Variants in FNDC3B observed in about 807,000 individuals in gnomAD.
FNDC3B encodes fibronectin type III domain containing 3B.
FNDC3B carries 12 observed loss-of-function variants against 151.5 expected under a neutral mutation model. The ratio of observed to expected loss-of-function variants is 0.08; its 90% CI spans 0.05 to 0.13. The LOEUF (loss-of-function observed/expected upper bound fraction) is 0.13, where lower values mean the gene tolerates loss of function less well. Among genes scored for constraint, FNDC3B ranks in the 10% least tolerant of loss-of-function variants. The pLI is 1.00. For missense variants in FNDC3B, 1,214 were observed against 1,505.3 expected (o/e 0.81, Z 3.20); for synonymous variants, 528 against 549.0 (o/e 0.96, Z 0.54).
intron 6 of FNDC3B, among the ~76,000 whole-genome samples, chr3:172,271,356 A>C (rs7633247): frequency 6.6e-6 from 1 of 152,180 alleles, no homozygotes; most frequent in Non-Finnish European, 1.5e-5. Context: ...GTTTTAAACT[A>C]TTGATTTCCT....
intron 3 of FNDC3B, among the ~76,000 whole-genome samples, chr3:172,153,468 C>A (rs1003044925): frequency 6.6e-6 from 1 of 152,202 alleles, no homozygotes; most frequent in African/African-American, 2.4e-5. Flanking sequence ...GCAGCCAGTG[C>A]TGTTTCCTGC....
At chr3:172,270,673 T>C (rs1365492013) in intron 6 of FNDC3B, among the ~76,000 whole-genome samples, 2 of 152,224 alleles carry the variant, frequency 1.3e-5, no homozygotes, top group African/African-American at 4.8e-5. Flanking sequence ...TTGTGTACAT[T>C]TTCTATATTC....
At chr3:172,358,494 C>G (rs1734204484) in intron 22 of FNDC3B, among the ~76,000 whole-genome samples, 1 of 152,236 alleles carries the variant, frequency 6.6e-6, no homozygotes, top group Non-Finnish European at 1.5e-5. Context: ...GAAGCCCATC[C>G]TTTCAGCTGT....
At chr3:172,271,387 T>A (rs776850748) in intron 6 of FNDC3B, among the ~76,000 whole-genome samples, 33 of 152,218 alleles carry the variant, frequency 2.2e-4, no homozygotes, top group Non-Finnish European at 3.7e-4. Context: ...GGAATTTTTT[T>A]AGATACCAGC....
intron 11 of FNDC3B, among the ~76,000 whole-genome samples, chr3:172,324,432 G>A (rs764122276): frequency 1.8e-4 from 27 of 152,288 alleles, no homozygotes; most frequent in Non-Finnish European, 3.1e-4. Context: ...TAGGTTGAGT[G>A]CGAAGAGGAA....
At chr3:172,272,931 A>G (rs1260736802) in intron 6 of FNDC3B, among the ~76,000 whole-genome samples, 3 of 152,196 alleles carry the variant, frequency 2.0e-5, no homozygotes, top group Admixed American at 2.0e-4. Flanking sequence ...AATGCTTATA[A>G]TTTCACAATC....
intron 15 of FNDC3B, among the ~76,000 whole-genome samples, chr3:172,336,682 C>CCTGAGGT (rs35371267): frequency 0.17 from 25,883 of 151,978 alleles, 2,311 homozygotes; most frequent in Middle Eastern, 0.31. Flanking sequence ...AAGTGGATCA[C>CCTGAGGT]CTGAGGTCTG....
At chr3:172,120,578 G>A (rs1720486546) in intron 2 of FNDC3B, among the ~76,000 whole-genome samples, 1 of 150,628 alleles carries the variant, frequency 6.6e-6, no homozygotes, top group African/African-American at 2.5e-5. Flanking sequence ...GGGGGGGGGT[G>A]TGTGTGTTGT....
At chr3:172,240,654 C>T (rs1243237663) in intron 4 of FNDC3B, among the ~76,000 whole-genome samples, 1 of 152,156 alleles carries the variant, frequency 6.6e-6, no homozygotes, top group East Asian at 1.9e-4. Flanking sequence ...TTTAATCATG[C>T]TGTGCCTTGG....
At chr3:172,235,949 A>T (rs191603322) in intron 4 of FNDC3B, among the ~76,000 whole-genome samples, 20 of 152,260 alleles carry the variant, frequency 1.3e-4, no homozygotes, top group Admixed American at 1.3e-3. Flanking sequence ...CCCTTCTGTG[A>T]TGGGTAATGG....
chr3:172,335,332 G>T, intron 15 of FNDC3B: 1 of 343,188 alleles, frequency 2.9e-6, no homozygotes, highest in East Asian at 5.6e-5. Flanking sequence ...ATTTTTAAGA[G>T]TATCTCATTT....
chr3:172,125,073 C>G (rs890319853), intron 2 of FNDC3B, among the ~76,000 whole-genome samples: 1 of 152,240 alleles, frequency 6.6e-6, no homozygotes, highest in African/African-American at 2.4e-5. Flanking sequence ...ACTCACCTCT[C>G]TTAGTCTTGT....
intron 1 of FNDC3B, among the ~76,000 whole-genome samples, chr3:172,050,700 CGTGT>C (rs71975191): frequency 0.39 from 57,199 of 144,922 alleles, 12,189 homozygotes; most frequent in East Asian, 0.51. Context: ...GGTATATTTT[CGTGT>C]GTGTGTGTGT....
chr3:172,333,165 A>G lies in FNDC3B; in HGVS notation c.1631A>G (p.Tyr544Cys), dbSNP rs775549906. The change falls in exon 14 of 26, where the codon TAT becomes TGT. Residue 544 changes from tyrosine to cysteine, a missense_variant. Transcript: ENST00000415807. The stretch of plus-strand genomic sequence containing the variant: ...AAAAATCTCAAAAGAAGCACACAGT[A>G]TAAATTCAGGGTGAGTCAGTCATTT... The part of the protein sequence containing the change: ...TVKNLKRSTQ[Y>C]KFRLTASNTE... 5.6e-6 allele frequency: 9 copies of G among 1,604,540 alleles called. No homozygotes were observed. Among genetic ancestry groups the G allele is most frequent in the Middle Eastern group, 1.7e-4 (1 of 6,060 alleles).
chr3:172,401,574 C>G lies in FNDC3B; in HGVS notation c.*4099C>G, dbSNP rs1253752702. On this transcript the variant is annotated 3_prime_UTR_variant, in exon 26 of 26. Coordinates refer to ENST00000415807, the MANE Select transcript of FNDC3B (RefSeq NM_022763.4). Reference sequence around the variant, plus strand: ...TGGCACACTGGGTGCTTCCTCTCCCCTGACGAACTCTATAGAGTGTTCATG... The same window carrying G: ...TGGCACACTGGGTGCTTCCTCTCCCGTGACGAACTCTATAGAGTGTTCATG... 6.6e-6 allele frequency: 1 copy of G among 152,290 alleles called. No individual in the cohort carries two copies. Among genetic ancestry groups the G allele is most frequent in the East Asian group, 1.9e-4 (1 of 5,192 alleles). The allele number at this position is 152,290 out of a possible 1,614,324, so 9.4% of individuals were successfully genotyped here. A position where few individuals can be genotyped will look rare whatever the true frequency, so the allele number is the denominator to read the frequency against.
chr3:172,380,130 A>G (rs67065953), intron 24 of FNDC3B, among the ~76,000 whole-genome samples: 1 of 151,556 alleles, frequency 6.6e-6, no homozygotes, highest in Non-Finnish European at 1.5e-5. Flanking sequence ...CAGAATTGCA[A>G]GCAGAAACAA....
chr3:172,342,445 C>G (rs1369919013), intron 17 of FNDC3B, among the ~76,000 whole-genome samples: 1 of 152,180 alleles, frequency 6.6e-6, no homozygotes, highest in Non-Finnish European at 1.5e-5. Context: ...ATAGCTCTAC[C>G]TGATTTTCTC....
intron 1 of FNDC3B, among the ~76,000 whole-genome samples, chr3:172,084,129 A>C (rs897845549): frequency 2.6e-5 from 4 of 152,012 alleles, no homozygotes; most frequent in African/African-American, 9.7e-5. Flanking sequence ...GTTACTTCTG[A>C]AGGATCAAAG....
At chr3:172,077,786 T>G (rs1576841636) in intron 1 of FNDC3B, among the ~76,000 whole-genome samples, 1 of 152,266 alleles carries the variant, frequency 6.6e-6, no homozygotes, top group Non-Finnish European at 1.5e-5. Flanking sequence ...TTCCCAAAGA[T>G]GGACTGGAAT....
Sources: gnomAD v4.1 joint callset for allele counts (sites outside exome capture counted in the v4.1 genomes callset) on GRCh38, gnomAD v4.1.1 for gene constraint, MANE v1.5 for transcripts, NCBI Gene and HGNC (gene_info 2026-07-23, HGNC 2026-07-21) for gene names.